JADE2: variants seen among roughly 807,000 people sequenced by gnomAD.
The protein encoded by JADE2 is jade family PHD finger 2, also known as E3 ubiquitin-protein ligase Jade-2.
JADE2 carries 13 observed loss-of-function variants against 85.7 expected under a neutral mutation model. The ratio of observed to expected loss-of-function variants is 0.15; its 90% CI spans 0.10 to 0.24. The LOEUF (loss-of-function observed/expected upper bound fraction) is 0.24. JADE2 is among the 10% of genes least tolerant of loss of function. JADE2 has a pLI of 1.00. For synonymous variants in JADE2, 440 were observed against 456.1 expected (o/e 0.96, Z 0.45); for missense variants, 846 against 1,115.9 (o/e 0.76, Z 3.45).
Position 134,579,190 on chromosome 5 carries a change from C to G in JADE2, c.2378C>G (p.Thr793Ser). The change falls in exon 12 of 12, where the codon ACT (threonine) becomes AGT (serine). Residue 793 changes from threonine (T) to serine (S), a missense_variant. By Grantham distance (58) the Thr-to-Ser change is moderately conservative. Coordinates refer to ENST00000681547, the MANE Select transcript of JADE2 (RefSeq NM_001388185.1). This position sits in a 1 kb window ranked among gnomAD's most constrained non-coding sequence, Gnocchi z 4.6. The part of the protein sequence containing the change: ...PKVSLHFDTE[T>S]DGYFSDGEMS... ...GTCAGCCTGCATTTTGACACTGAGA[C>G]TGATGGCTACTTCTCTGATGGGGAG... The G allele has an allele frequency of 6.2e-7, 1 of 1,614,260 alleles. No individual in the cohort carries two copies. The highest frequency in any genetic ancestry group is 8.5e-7 in the Non-Finnish European group (1 of 1,180,050).
intron 7 of JADE2, among the ~76,000 whole-genome samples, chr5:134,563,911 G>A (rs1444425725): frequency 1.3e-5 from 2 of 152,166 alleles, no homozygotes; most frequent in African/African-American, 2.4e-5. Flanking sequence ...CTGGGCTGTG[G>A]GGTGGTCTCT....
chr5:134,582,819 G>T lies in JADE2; in HGVS notation c.*3502G>T, dbSNP rs1183107282. 6.6e-6 allele frequency: 1 copy of T among 152,604 alleles called. No individual in the cohort carries two copies. Among genetic ancestry groups the T allele is most frequent in the Non-Finnish European group, 1.5e-5 (1 of 68,040 alleles). 9.5% of individuals were successfully genotyped at this position (152,604 alleles called of 1,614,324 possible). A position where few individuals can be genotyped will look rare whatever the true frequency, so the allele number is the denominator to read the frequency against. ...CTGTCTTTGTTTCAAAGAAAGTGAT[G>T]TGCCATTTGTTAATATACAAGAGAA... is the stretch of plus-strand genomic sequence containing the variant. On this transcript the variant is annotated 3_prime_UTR_variant, in exon 12 of 12. Transcript: ENST00000681547.
At chr5:134,564,641 G>A in intron 8 of JADE2, 31 bp downstream of exon 8, 2 of 1,431,816 alleles carry the variant, frequency 1.4e-6, no homozygotes, top group Non-Finnish European at 1.9e-6. Flanking sequence ...CCTGCTGCCA[G>A]GAGCTGGCTG....
chr5:134,556,707 CCACA>C (rs375395774), intron 4 of JADE2, among the ~76,000 whole-genome samples: 1 of 139,132 alleles, frequency 7.2e-6, no homozygotes, highest in Non-Finnish European at 1.6e-5. Flanking sequence ...CACATACACA[CCACA>C]CACACACCTC....
At chr5:134,538,195 A>T in intron 3 of JADE2, 112 bp downstream of exon 3, 1 of 777,304 alleles carries the variant, frequency 1.3e-6, no homozygotes, top group South Asian at 1.6e-5. Flanking sequence ...GAGGGAGGCC[A>T]GCGTGGCCGA....
At chr5:134,558,459 G>A (rs960467731) in intron 4 of JADE2, among the ~76,000 whole-genome samples, 7 of 151,130 alleles carry the variant, frequency 4.6e-5, no homozygotes, top group Non-Finnish European at 1.0e-4. Context: ...CCTTGCCCAC[G>A]CCTATGTCCT....
At chr5:134,564,149 C>T (rs944385563) in intron 7 of JADE2, 2 of 180,166 alleles carry the variant, frequency 1.1e-5, no homozygotes, top group South Asian at 1.7e-4. Context: ...TGTACCTATG[C>T]GCACACCAAA....
At position 134,559,919 on chromosome 5, in the gene JADE2, G is replaced by T. The variant is rs779505300; in HGVS notation, c.401G>T (p.Gly134Val). The T allele has an allele frequency of 6.2e-7, 1 of 1,613,198 alleles. No individual in the cohort carries two copies. Among genetic ancestry groups the T allele is most frequent in the Non-Finnish European group, 8.5e-7 (1 of 1,179,834 alleles). ...GGCTCCCAGCCTGATTGGCCAGGGG[G>T]CAGCCGCTATGACTTGGACGAGATT... The part of the protein sequence containing the change: ...GEGSQPDWPG[G>V]SRYDLDEIDA... The change falls in exon 5 of 12, where the codon GGC becomes GTC. Residue 134 changes from glycine (G) to valine (V), a missense_variant. By Grantham distance (109) the Gly-to-Val change is moderately radical. Transcript: ENST00000681547.
At chr5:134,542,178 ATCCCAAC>A (rs1458100978) in intron 3 of JADE2, among the ~76,000 whole-genome samples, 6 of 152,232 alleles carry the variant, frequency 3.9e-5, no homozygotes, top group Admixed American at 3.9e-4. Context: ...TGCCTATGGC[ATCCCAAC>A]AGAGCTATCT....
At chr5:134,530,399 G>A (rs1761157426) in intron 1 of JADE2, among the ~76,000 whole-genome samples, 1 of 152,168 alleles carries the variant, frequency 6.6e-6, no homozygotes, top group East Asian at 1.9e-4. Flanking sequence ...TTTTTTTAAA[G>A]AAGAGGACGA....
intron 1 of JADE2, among the ~76,000 whole-genome samples, chr5:134,535,116 A>T (rs1479477410): frequency 6.6e-6 from 1 of 152,210 alleles, no homozygotes; most frequent in African/African-American, 2.4e-5. Context: ...GATGTGGATA[A>T]AGGAAGACTC....
chr5:134,538,203 C>T (rs1212105580), intron 3 of JADE2, 120 bp downstream of exon 3: 1 of 732,972 alleles, frequency 1.4e-6, no homozygotes, highest in Non-Finnish European at 2.3e-6. Flanking sequence ...CCAGCGTGGC[C>T]GAGTGGAATG....
intron 8 of JADE2, among the ~76,000 whole-genome samples, chr5:134,565,284 G>A (rs17167621): frequency 0.18 from 27,236 of 152,092 alleles, 2,666 homozygotes; most frequent in East Asian, 0.35. Context: ...ACCCATCCAC[G>A]GACCTTCAAA....
At chr5:134,545,677 TCA>T (rs567378579) in intron 3 of JADE2, among the ~76,000 whole-genome samples, 33 of 152,286 alleles carry the variant, frequency 2.2e-4, no homozygotes, top group African/African-American at 7.5e-4. Context: ...TTTCTGAATC[TCA>T]GTCTCCACAT....
chr5:134,560,105 A>T, intron 5 of JADE2, 115 bp downstream of exon 5: 2 of 1,195,696 alleles, frequency 1.7e-6, no homozygotes, highest in East Asian at 2.4e-5. Flanking sequence ...ATCTGGAGGG[A>T]GTCTCCATAC....
intron 11 of JADE2, chr5:134,577,178 G>GT (rs1273143151): frequency 8.3e-6 from 3 of 361,376 alleles, no homozygotes; most frequent in African/African-American, 2.1e-5. Flanking sequence ...TGGCTGGGGG[G>GT]TCCTGGGTGC....
intron 9 of JADE2, among the ~76,000 whole-genome samples, chr5:134,567,268 G>A (rs1273034090): frequency 6.6e-6 from 1 of 152,156 alleles, no homozygotes; most frequent in Non-Finnish European, 1.5e-5. Context: ...GCTAAGGAGG[G>A]ACTGACATAC....
chr5:134,575,859 C>G (rs1581487513), intron 10 of JADE2: 1 of 152,044 alleles, frequency 6.6e-6, no homozygotes, highest in East Asian at 1.9e-4. Flanking sequence ...CACCACTGTA[C>G]TCCAGCCTGG....
intron 1 of JADE2, among the ~76,000 whole-genome samples, chr5:134,529,096 C>T (rs1012651958): frequency 3.3e-5 from 5 of 152,198 alleles, no homozygotes; most frequent in Non-Finnish European, 7.3e-5. Flanking sequence ...CCTAGTGTTC[C>T]TCTTAACAGG....
Sources: allele counts gnomAD v4.1 joint callset (sites outside exome capture counted in the v4.1 genomes callset), GRCh38; gene constraint gnomAD v4.1.1; non-coding constraint Gnocchi (gnomAD v3.1); transcripts MANE v1.5; gene names NCBI Gene and HGNC (gene_info 2026-07-23, HGNC 2026-07-21).